Variants in SLC17A1 observed in about 807,000 individuals in gnomAD.
SLC17A1 encodes sodium-dependent phosphate transport protein 1.
A neutral mutation model predicts 53.5 loss-of-function variants in SLC17A1; 51 were observed. The observed-to-expected ratio is 0.95, with a 90% CI of 0.76 to 1.20. The LOEUF is 1.20. SLC17A1 is among the 50% of genes most tolerant of loss of function. SLC17A1 has a pLI of 0.00. For synonymous variants in SLC17A1, 179 were observed against 198.8 expected (o/e 0.90, Z 0.84); for missense variants, 538 against 568.2 (o/e 0.95, Z 0.54).
intron 12 of SLC17A1, among the ~76,000 whole-genome samples, chr6:25,786,030 C>A (rs975693287): frequency 1.3e-5 from 2 of 152,170 alleles, no homozygotes; most frequent in Non-Finnish European, 2.9e-5. Context: ...CACAAATGCA[C>A]ATAGTGGTCT....
chr6:25,803,226 C>T (rs1180400523), intron 10 of SLC17A1, among the ~76,000 whole-genome samples: 1 of 152,110 alleles, frequency 6.6e-6, no homozygotes, highest in Admixed American at 6.5e-5. Context: ...CGTGAGCCAC[C>T]ACGCCCGGCC....
At chr6:25,830,755 C>T in intron 1 of SLC17A1, 148 bp from the exon 2 acceptor site, 1 of 474,098 alleles carries the variant, frequency 2.1e-6, no homozygotes, top group Non-Finnish European at 3.8e-6. Context: ...ATGTGCTTCC[C>T]TTGATATTTA....
In SLC17A1 at chr6:25,819,146, G is replaced by A; in HGVS notation, c.538C>T (p.Leu180=). 6.2e-7 allele frequency: 1 copy of A among 1,606,878 alleles called. No homozygotes were observed. The change falls in exon 6 of 13, where the codon CTG becomes TTG. Residue 180 remains leucine (L), a synonymous_variant. Coordinates refer to ENST00000244527, the MANE Select transcript of SLC17A1 (RefSeq NM_005074.5). ...ACAAGTAGGACAATAAAGGGTCCCA[G>A]CAAAAACCCTAATCAGTAGGTACAA... is the stretch of plus-strand genomic sequence containing the variant. ...LTSMSTSGFL[L]GPFIVLLVTG...
intron 11 of SLC17A1, among the ~76,000 whole-genome samples, 199 bp from the exon 12 acceptor site, chr6:25,799,118 A>T (rs1199465614): frequency 6.6e-6 from 1 of 152,156 alleles, no homozygotes. Context: ...CATGTTGTTT[A>T]AAATTCTATT....
chr6:25,826,944 C>G (rs926554458), intron 2 of SLC17A1, among the ~76,000 whole-genome samples: 2 of 152,134 alleles, frequency 1.3e-5, no homozygotes, highest in South Asian at 2.1e-4. Context: ...GGACATAAGT[C>G]CCCCTAATTA....
chr6:25,790,476 C>G (rs1178348494), intron 12 of SLC17A1, among the ~76,000 whole-genome samples: 1 of 152,028 alleles, frequency 6.6e-6, no homozygotes, highest in African/African-American at 2.4e-5. Context: ...ATATGATGCT[C>G]CATTGCCCCT....
At chr6:25,801,070 T>C in intron 10 of SLC17A1, 90 bp from the exon 11 acceptor site, 1 of 742,272 alleles carries the variant, frequency 1.3e-6, no homozygotes, top group Non-Finnish European at 2.3e-6. Flanking sequence ...AGAGAGATAA[T>C]TGCTCATTTT....
intron 2 of SLC17A1, among the ~76,000 whole-genome samples, chr6:25,830,008 A>G (rs1764890187): frequency 6.6e-6 from 1 of 152,222 alleles, no homozygotes; most frequent in Admixed American, 6.5e-5. Context: ...GAAAAAGTAT[A>G]CAATCTATCG....
At chr6:25,790,967 CA>C (rs2151475739) in intron 12 of SLC17A1, among the ~76,000 whole-genome samples, 1 of 152,130 alleles carries the variant, frequency 6.6e-6, no homozygotes, top group East Asian at 1.9e-4. Flanking sequence ...GATATCTTTC[CA>C]ATATTCCTGA....
chr6:25,737,400 C>G, the SLC17A1 span, among the ~76,000 whole-genome samples: 3 of 152,182 alleles, frequency 2.0e-5, no homozygotes, highest in South Asian at 6.2e-4. Context: ...CTCAACCAAT[C>G]AGCAGCACCC....
intron 5 of SLC17A1, 37 bp from the exon 6 acceptor site, chr6:25,819,191 C>T: frequency 7.1e-7 from 1 of 1,415,642 alleles, no homozygotes; most frequent in Admixed American, 2.2e-5. Context: ...CTAATTAATG[C>T]AGGCATCTGA....
rs759822069 is a variant in SLC17A1, at chr6:25,798,849, T to C, written c.1340A>G (p.Tyr447Cys). 14 of 1,610,742 alleles carry C rather than the reference T, an allele frequency of 8.7e-6. No homozygotes were observed. In the Admixed American group the frequency reaches 2.0e-4, roughly 23 times the overall value. The change falls in exon 12 of 13, where the codon TAC becomes TGC. Residue 447 changes from tyrosine (Y) to cysteine (C), a missense_variant. Tyr to Cys is a radical substitution (Grantham distance 194). Transcript: ENST00000244527. ...AATTTCTGCTGTAGCAACTATAAGG[T>C]AGAAAATTAGGCCAGTCACATTAAT... The part of the protein sequence containing the change: ...AAINVTGLIF[Y>C]LIVATAEIQD...
chr6:25,749,398 A>C, the SLC17A1 span, among the ~76,000 whole-genome samples: 1 of 152,226 alleles, frequency 6.6e-6, no homozygotes, highest in Non-Finnish European at 1.5e-5. Flanking sequence ...TGTTCAGGGT[A>C]CAGGTCAAAA....
chr6:25,731,760 T>A, the SLC17A1 span: 1 of 1,494,348 alleles, frequency 6.7e-7, no homozygotes. Context: ...TTTGTGGAGC[T>A]CATCTGCTGG....
In SLC17A1 at chr6:25,813,116, G is replaced by A. The variant is rs1455670554; in HGVS notation, c.714C>T (p.Ile238=). The A allele has an allele frequency of 1.8e-5, 29 of 1,614,050 alleles. No individual in the cohort carries two copies. The highest frequency in any genetic ancestry group is 2.5e-5 in the Non-Finnish European group (29 of 1,179,908). Residue 238 remains isoleucine, a synonymous_variant, in exon 7 of 13, where the codon ATC becomes ATT. Transcript: ENST00000244527. ...PCISISEKEY[I]TSSLVQQVSS... ...CTACCTGCTGGACCAGGGAGGATGT[G>A]ATGTATTCCTTTTCACTGATGCTTA...
the SLC17A1 span, among the ~76,000 whole-genome samples, chr6:25,756,158 T>A: frequency 3.3e-5 from 5 of 152,074 alleles, no homozygotes; most frequent in African/African-American, 1.2e-4. Context: ...GGACCCAAAA[T>A]GGTCTGGCCA....
At chr6:25,732,775 G>T in the SLC17A1 span, 17 of 946,314 alleles carry the variant, frequency 1.8e-5, no homozygotes, top group Admixed American at 3.3e-4. Flanking sequence ...TCCAAGCTGT[G>T]CTGCTGTCCC....
chr6:25,823,220 G>C (rs1356296350), intron 3 of SLC17A1, among the ~76,000 whole-genome samples: 1 of 151,996 alleles, frequency 6.6e-6, no homozygotes, highest in Non-Finnish European at 1.5e-5. Context: ...GGACATATAG[G>C]TTATTTCCAG....
intron 12 of SLC17A1, among the ~76,000 whole-genome samples, chr6:25,786,549 A>G (rs745706469): frequency 6.6e-6 from 1 of 152,202 alleles, no homozygotes; most frequent in Non-Finnish European, 1.5e-5. Flanking sequence ...GAGAAGGGAT[A>G]TCCACAAAGG....
Sources: allele counts gnomAD v4.1 joint callset (sites outside exome capture counted in the v4.1 genomes callset), GRCh38; gene constraint gnomAD v4.1.1; transcripts MANE v1.5; gene names NCBI Gene and HGNC (gene_info 2026-07-23, HGNC 2026-07-21).